MMP11: variants seen among roughly 807,000 people sequenced by gnomAD.
The protein encoded by MMP11 is matrix metallopeptidase 11.
Under a neutral mutation model 49.5 loss-of-function variants are expected in MMP11, and 26 were observed. That is an observed-to-expected ratio of 0.52 (90% CI 0.38 to 0.73). MMP11 has a LOEUF of 0.73. MMP11 is among the 30% of genes least tolerant of loss of function. The pLI, the probability that MMP11 is intolerant of heterozygous loss-of-function variation, is 0.00. For synonymous variants in MMP11, 265 were observed against 282.3 expected (o/e 0.94, Z 0.62); for missense variants, 624 against 671.2 (o/e 0.93, Z 0.78).
chr22:23,778,407 GT>G (rs1398356510), intron 1 of MMP11, among the ~76,000 whole-genome samples: 1 of 152,198 alleles, frequency 6.6e-6, no homozygotes, highest in African/African-American at 2.4e-5. Context: ...TGGGCACCTG[GT>G]AATTAACTGT....
Position 23,780,578 on chromosome 22 carries a change from G to A in MMP11, c.483-4G>A, listed in dbSNP as rs779513912. 3 of 1,608,062 alleles carry A rather than the reference G, an allele frequency of 1.9e-6. No homozygotes were observed. The Admixed American group carries it at 5.0e-5, about 27-fold the overall frequency. On this transcript the variant is annotated splice_region_variant and splice_polypyrimidine_tract_variant and intron_variant, in intron 3 of 7. Coordinates refer to ENST00000215743, the MANE Select transcript of MMP11 (RefSeq NM_005940.5). The surrounding 1 kb of genome is among the most constrained non-coding windows in gnomAD (Gnocchi z 4.6). ...CCACTGACCCCGCCCCCACCCATCTGTAGGTACTGGCATGGGGACGACCTG... is the reference window on the plus strand; with the variant it reads ...CCACTGACCCCGCCCCCACCCATCTATAGGTACTGGCATGGGGACGACCTG...
chr22:23,779,532 C>T (rs963533930), intron 2 of MMP11, 116 bp downstream of exon 2: 2 of 923,956 alleles, frequency 2.2e-6, no homozygotes, highest in Non-Finnish European at 3.3e-6. Context: ...GTCTAACAGA[C>T]CTGTGTGTCC....
chr22:23,781,863 G>C (rs1927645297), intron 6 of MMP11: 1 of 610,226 alleles, frequency 1.6e-6, no homozygotes, highest in African/African-American at 1.8e-5. Context: ...CACAAATGAA[G>C]GCACAGCATG....
intron 1 of MMP11, among the ~76,000 whole-genome samples, chr22:23,778,846 C>A (rs1263253954): frequency 6.6e-6 from 1 of 152,168 alleles, no homozygotes; most frequent in Non-Finnish European, 1.5e-5. Flanking sequence ...TCGGAGGAAG[C>A]TTTTTGGGGT....
In MMP11 at chr22:23,784,305, A is replaced by AGTTGTTTTC. The variant is rs2037889765; in HGVS notation, c.*762_*770dup. ...TAAACTGAGGATTGTCATTAAACAC[A>AGTTGTTTTC]GTTGTTTTCTACCTGCCTGCTTGGT... On this transcript the variant is annotated 3_prime_UTR_variant, in exon 8 of 8. Coordinates refer to ENST00000215743, the MANE Select transcript of MMP11 (RefSeq NM_005940.5). The AGTTGTTTTC allele has an allele frequency of 1.3e-5, 2 of 151,496 alleles. No individual in the cohort carries two copies. The highest frequency in any genetic ancestry group is 2.9e-5 in the Non-Finnish European group (2 of 67,900). 9.4% of individuals were successfully genotyped at this position (151,496 alleles called of 1,614,324 possible).
Position 23,772,942 on chromosome 22 carries a change from CCAG to C in MMP11, c.74_76del (p.Gln25del). On this transcript the variant is annotated inframe_deletion, in exon 1 of 8. Coordinates refer to ENST00000215743, the MANE Select transcript of MMP11 (RefSeq NM_005940.5). ...TGCCCCCGATGCTGCTGCTGCTGCT[CCAG>C]CCGCCGCCGCTGCTGGCCCGGGCTC... is the stretch of plus-strand genomic sequence containing the variant. 2 of 1,216,880 alleles carry C rather than the reference CCAG, an allele frequency of 1.6e-6. No homozygotes were observed. Among genetic ancestry groups the C allele is most frequent in the Non-Finnish European group, 1.0e-6 (1 of 974,410 alleles). The allele number at this position is 1,216,880 out of a possible 1,614,324, so 75.4% of individuals were successfully genotyped here.
At chr22:23,782,542 G>A in intron 7 of MMP11, 59 bp downstream of exon 7, 1 of 1,526,414 alleles carries the variant, frequency 6.6e-7, no homozygotes, top group Non-Finnish European at 8.8e-7. Context: ...TCTCCCACCT[G>A]GTGGTGGCTG....
At chr22:23,783,050 A>G (rs530990825) in intron 7 of MMP11, among the ~76,000 whole-genome samples, 1 of 152,064 alleles carries the variant, frequency 6.6e-6, no homozygotes, top group African/African-American at 2.4e-5. Flanking sequence ...CAGCTCCAGG[A>G]CTCCAGGGTG....
At chr22:23,773,836 G>A (rs1927319918) in intron 1 of MMP11, among the ~76,000 whole-genome samples, 1 of 152,230 alleles carries the variant, frequency 6.6e-6, no homozygotes, top group Admixed American at 6.5e-5. Context: ...GGCAGGGAAG[G>A]GAGCAGGAGG....
chr22:23,782,307 C>T lies in MMP11; in HGVS notation c.1157C>T (p.Pro386Leu), dbSNP rs763039135. 8 of 1,613,826 alleles carry T rather than the reference C, an allele frequency of 5.0e-6. No homozygotes were observed. Among genetic ancestry groups the T allele is most frequent in the East Asian group, 2.2e-5 (1 of 44,888 alleles). ...PLTELGLVRF[P>L]VHAALVWGPE... The stretch of plus-strand genomic sequence containing the variant: ...ACCGAGCTGGGCCTGGTGAGGTTCC[C>T]GGTCCATGCTGCCTTGGTCTGGGGT... The change falls in exon 7 of 8, where the codon CCG becomes CTG. Residue 386 changes from proline (P) to leucine (L), a missense_variant. Physicochemically the swap from Pro to Leu is moderately conservative, Grantham distance 98. Coordinates refer to ENST00000215743, the MANE Select transcript of MMP11 (RefSeq NM_005940.5).
Position 23,781,261 on chromosome 22 carries a change from T to C in MMP11, c.927T>C (p.Phe309=). Residue 309 remains phenylalanine (F), a synonymous_variant, in exon 6 of 8, where the codon TTT becomes TTC. Coordinates refer to ENST00000215743, the MANE Select transcript of MMP11 (RefSeq NM_005940.5). ...DAVSTIRGEL[F]FFKAGFVWRL... Reference sequence around the variant, plus strand: ...TCTCCACCATCCGAGGCGAGCTCTTTTTCTTCAAAGCGGGCTTTGTGTGGC... The same window carrying C: ...TCTCCACCATCCGAGGCGAGCTCTTCTTCTTCAAAGCGGGCTTTGTGTGGC... 1 of 1,611,908 alleles carries C rather than the reference T, an allele frequency of 6.2e-7. No homozygotes were observed. The highest frequency in any genetic ancestry group is 2.2e-5 in the East Asian group (1 of 44,874).
chr22:23,775,651 G>A (rs147049214), intron 1 of MMP11, among the ~76,000 whole-genome samples: 60 of 152,356 alleles, frequency 3.9e-4, no homozygotes, highest in Non-Finnish European at 7.5e-4. Context: ...CAGGGACAGG[G>A]AGAAGAGACC....
In MMP11 at chr22:23,783,493, C is replaced by G. The variant is rs144394718; in HGVS notation, c.1416C>G (p.Leu472=). ...AGGCTCTGGAAGGCTTCCCCCGTCT[C>G]GTGGGTCCTGACTTCTTTGGCTGTG... ...KVKALEGFPR[L]VGPDFFGCAE... is the part of the protein sequence containing the mutation. The change falls in exon 8 of 8, where the codon CTC becomes CTG. Residue 472 remains leucine, a synonymous_variant. Coordinates refer to ENST00000215743, the MANE Select transcript of MMP11 (RefSeq NM_005940.5). The G allele has an allele frequency of 6.2e-7, 1 of 1,614,222 alleles. No individual in the cohort carries two copies.
chr22:23,779,063 C>T (rs1405382727), intron 1 of MMP11, 124 bp from the exon 2 acceptor site: 10 of 759,928 alleles, frequency 1.3e-5, no homozygotes, highest in Admixed American at 2.7e-5. Context: ...CCCTTTCCCT[C>T]TCCATTTGCC....
intron 6 of MMP11, 98 bp downstream of exon 6, chr22:23,781,507 G>A: frequency 8.4e-7 from 1 of 1,184,270 alleles, no homozygotes; most frequent in Non-Finnish European, 1.2e-6. Flanking sequence ...GGGACACAGT[G>A]GATAGGGAGA....
Position 23,781,346 on chromosome 22 carries a change from G to C in MMP11, c.1012G>C (p.Gly338Arg). The change falls in exon 6 of 8, where the codon GGA becomes CGA. Residue 338 changes from glycine to arginine, a missense_variant. Transcript: ENST00000215743. The part of the protein sequence containing the change: ...YPALASRHWQ[G>R]LPSPVDAAFE... The stretch of plus-strand genomic sequence containing the variant: ...AGCATTGGCCTCTCGCCACTGGCAG[G>C]GACTGCCCAGCCCTGTGGACGCTGC... 1 of 1,613,440 alleles carries C rather than the reference G, an allele frequency of 6.2e-7. No homozygotes were observed. Among genetic ancestry groups the C allele is most frequent in the Non-Finnish European group, 8.5e-7 (1 of 1,179,882 alleles).
intron 7 of MMP11, chr22:23,782,722 G>A (rs1261983681): frequency 5.0e-6 from 3 of 595,802 alleles, no homozygotes; most frequent in Admixed American, 3.0e-5. Flanking sequence ...GCCACAGCCA[G>A]TAGAACAATA....
chr22:23,780,192 G>A lies in MMP11; in HGVS notation c.339-167G>A. Reference sequence around the variant, plus strand: ...GTATGAGCAAACCACATACACATGTGCCCATGTGGCCAGGGAGACCAGTGC... The same window carrying A: ...GTATGAGCAAACCACATACACATGTACCCATGTGGCCAGGGAGACCAGTGC... On this transcript the variant is annotated intron_variant, in intron 2 of 7. Transcript: ENST00000215743. This position sits in a 1 kb window ranked among gnomAD's most constrained non-coding sequence, Gnocchi z 4.6. The A allele has an allele frequency of 1.4e-6, 1 of 738,776 alleles. No homozygotes were observed. The highest frequency in any genetic ancestry group is 1.8e-5 in the African/African-American group (1 of 56,668). The allele number at this position is 738,776 out of a possible 1,614,324, so 45.8% of individuals were successfully genotyped here. A position where few individuals can be genotyped will look rare whatever the true frequency, so the allele number is the denominator to read the frequency against.
At chr22:23,779,142 T>C in intron 1 of MMP11, 45 bp from the exon 2 acceptor site, 1 of 1,446,906 alleles carries the variant, frequency 6.9e-7, no homozygotes. Context: ...GTGGGCCATG[T>C]GGACCTTAGG....
Sources: gnomAD v4.1 joint callset for allele counts (sites outside exome capture counted in the v4.1 genomes callset) on GRCh38, gnomAD v4.1.1 for gene constraint, Gnocchi (gnomAD v3.1) non-coding constraint, MANE v1.5 for transcripts, NCBI Gene and HGNC (gene_info 2026-07-23, HGNC 2026-07-21) for gene names.